CEP112: variants seen among roughly 807,000 people sequenced by gnomAD.
CEP112 encodes centrosomal protein 112, also known as centrosomal protein of 112 kDa.
A neutral mutation model predicts 153.0 loss-of-function variants in CEP112; 127 were observed. The ratio of observed to expected loss-of-function variants is 0.83; its 90% CI spans 0.72 to 0.96. The LOEUF (loss-of-function observed/expected upper bound fraction) is 0.96. Among genes scored for constraint, CEP112 ranks in the 40% least tolerant of loss-of-function variants. The pLI is 0.00. For missense variants in CEP112, 1,089 were observed against 1,101.2 expected (o/e 0.99, Z 0.16); for synonymous variants, 358 against 374.4 (o/e 0.96, Z 0.51).
intron 6 of CEP112, among the ~76,000 whole-genome samples, chr17:66,101,592 A>C (rs563284863): frequency 1.5e-4 from 22 of 150,918 alleles, no homozygotes; most frequent in African/African-American, 5.3e-4. Flanking sequence ...CTGTTGTACT[A>C]TTCTTTTTCT....
intron 16 of CEP112, among the ~76,000 whole-genome samples, chr17:66,021,864 A>G (rs2145627713): frequency 6.6e-6 from 1 of 152,296 alleles, no homozygotes; most frequent in Middle Eastern, 3.4e-3. Context: ...TGGGCAATGA[A>G]GTACTTCTCA....
intron 4 of CEP112, among the ~76,000 whole-genome samples, chr17:66,162,682 AT>A (rs1304849257): frequency 6.6e-6 from 1 of 152,210 alleles, no homozygotes; most frequent in African/African-American, 2.4e-5. Flanking sequence ...CGCTTTATGA[AT>A]CAAAAACAAT....
intron 17 of CEP112, among the ~76,000 whole-genome samples, chr17:65,978,444 C>G (rs1295620686): frequency 6.6e-6 from 1 of 152,180 alleles, no homozygotes; most frequent in Non-Finnish European, 1.5e-5. Flanking sequence ...CGGTCACGTG[C>G]CAACTTTGCA....
intron 21 of CEP112, among the ~76,000 whole-genome samples, chr17:65,776,871 G>T (rs1314500776): frequency 6.6e-6 from 1 of 152,092 alleles, no homozygotes; most frequent in African/African-American, 2.4e-5. Flanking sequence ...CTATATGTTT[G>T]TAAGAATTAA....
At chr17:65,944,623 C>T (rs932980515) in intron 18 of CEP112, among the ~76,000 whole-genome samples, 8 of 151,826 alleles carry the variant, frequency 5.3e-5, no homozygotes, top group Admixed American at 4.6e-4. Flanking sequence ...CTTGCTCTGT[C>T]GCTCAGGCTA....
chr17:66,058,457 C>T (rs746586136), intron 11 of CEP112, among the ~76,000 whole-genome samples: 22 of 151,494 alleles, frequency 1.5e-4, no homozygotes, highest in Admixed American at 4.6e-4. Flanking sequence ...CAACACTATC[C>T]TATCAAATTA....
At position 65,991,584 on chromosome 17, in the gene CEP112, C is replaced by T. The variant is rs1024522582; in HGVS notation, c.1736+14106G>A. Among the ~76,000 whole-genome samples the T allele has an allele frequency of 2.6e-5, 4 of 152,086 alleles. No homozygotes were observed. The South Asian group carries it at 8.3e-4, about 32-fold the overall frequency. On this transcript the variant is annotated intron_variant, in intron 17 of 26. Transcript: ENST00000535342. Reference sequence around the variant, plus strand: ...ATTTAGAACTAATCTTTCAAGAATACTTTTTGAAAGTTCGAATTTGTTTTC... The same window carrying T: ...ATTTAGAACTAATCTTTCAAGAATATTTTTTGAAAGTTCGAATTTGTTTTC...
At position 65,681,904 on chromosome 17, in the gene CEP112, TC is replaced by T. The variant is rs573526470; in HGVS notation, c.2697+7224del. ...CATGTTGGCCAGGCTGGTCTGGAAC[TC>T]CTGGGCTCAAGCAGCCTGCTTGTCT... On this transcript the variant is annotated intron_variant, in intron 24 of 26. Transcript: ENST00000535342. 6.0e-4 allele frequency among the ~76,000 whole-genome samples: 92 copies of T among 152,184 alleles called. 1 individual carries two copies. The highest frequency in any genetic ancestry group is 2.2e-3 in the African/African-American group (90 of 41,534).
chr17:66,175,583 A>G (rs2072437384), intron 3 of CEP112, among the ~76,000 whole-genome samples: 2 of 152,188 alleles, frequency 1.3e-5, no homozygotes, highest in African/African-American at 4.8e-5. Flanking sequence ...CTTTACATAC[A>G]CAAAAAAAGA....
In CEP112 at chr17:65,925,056, C is replaced by T. The variant is rs538673185; in HGVS notation, c.1980+2526G>A. Among the ~76,000 whole-genome samples the T allele has an allele frequency of 3.3e-5, 5 of 152,270 alleles. No individual in the cohort carries two copies. In the East Asian group the frequency reaches 9.7e-4, roughly 29 times the overall value. Reference sequence around the variant, plus strand: ...GTGATATGGTTTGGCTGTGTCCCCACCCAAATCTCACCTTGAATTGTAATA... The same window carrying T: ...GTGATATGGTTTGGCTGTGTCCCCATCCAAATCTCACCTTGAATTGTAATA... On this transcript the variant is annotated intron_variant, in intron 19 of 26. Transcript: ENST00000535342.
At chr17:65,953,720 T>G (rs1596320) in intron 18 of CEP112, among the ~76,000 whole-genome samples, 72,751 of 151,662 alleles carry the variant, frequency 0.48, 18,442 homozygotes, top group East Asian at 0.89. Flanking sequence ...TATGGCTCAC[T>G]AGAGGCAGCC....
chr17:66,084,807 A>T (rs1232510365), intron 8 of CEP112, among the ~76,000 whole-genome samples: 4 of 152,196 alleles, frequency 2.6e-5, no homozygotes. Flanking sequence ...TAAAACAACT[A>T]AATGAGTATA....
intron 21 of CEP112, among the ~76,000 whole-genome samples, chr17:65,835,345 G>A (rs528550004): frequency 9.7e-4 from 148 of 152,066 alleles, no homozygotes; most frequent in Non-Finnish European, 1.5e-3. Flanking sequence ...TACCATCCAC[G>A]CACAGGAAGA....
At chr17:66,012,029 T>G (rs1487602478) in intron 16 of CEP112, among the ~76,000 whole-genome samples, 1 of 152,150 alleles carries the variant, frequency 6.6e-6, no homozygotes, top group African/African-American at 2.4e-5. Context: ...TTGTCTGAAA[T>G]TAGAATAGCA....
At chr17:65,746,119 T>G (rs953724058) in intron 22 of CEP112, among the ~76,000 whole-genome samples, 1 of 129,186 alleles carries the variant, frequency 7.7e-6, no homozygotes, top group Admixed American at 9.3e-5. Flanking sequence ...GAGCCAAGAT[T>G]GCGCCATTTC....
intron 6 of CEP112, among the ~76,000 whole-genome samples, chr17:66,099,330 C>G (rs547041208): frequency 6.6e-6 from 1 of 151,902 alleles, no homozygotes; most frequent in African/African-American, 2.4e-5. Flanking sequence ...ATGGTGAAAC[C>G]CCGTCTCTAC....
chr17:65,848,033 C>G (rs1215736767), intron 21 of CEP112, among the ~76,000 whole-genome samples: 1 of 152,192 alleles, frequency 6.6e-6, no homozygotes. Context: ...CCATTCCCAC[C>G]TGCACCACCT....
chr17:65,903,506 T>C (rs777516756), intron 19 of CEP112, among the ~76,000 whole-genome samples: 8 of 152,174 alleles, frequency 5.3e-5, no homozygotes, highest in Non-Finnish European at 1.2e-4. Context: ...CTTTAAAACA[T>C]AGGTTTCAAA....
At chr17:66,118,724 AT>A (rs2069424994) in intron 6 of CEP112, among the ~76,000 whole-genome samples, 2 of 152,190 alleles carry the variant, frequency 1.3e-5, no homozygotes, top group South Asian at 2.1e-4. Flanking sequence ...GGATTGAAAT[AT>A]TCCTAACACA....
Sources: gnomAD v4.1 joint callset for allele counts (sites outside exome capture counted in the v4.1 genomes callset) on GRCh38, gnomAD v4.1.1 for gene constraint, MANE v1.5 for transcripts, NCBI Gene and HGNC (gene_info 2026-07-23, HGNC 2026-07-21) for gene names.